Variants in CTTN observed in about 807,000 individuals in gnomAD.
CTTN encodes cortactin.
CTTN carries 28 observed loss-of-function variants against 84.0 expected under a neutral mutation model. That is an observed-to-expected ratio of 0.33 (90% CI 0.25 to 0.46). The LOEUF is 0.46. Ranked by LOEUF, CTTN falls within the 20% of genes least tolerant of loss-of-function variation. CTTN has a pLI of 1.00. For missense variants in CTTN, 641 were observed against 723.8 expected (o/e 0.89, Z 1.31); for synonymous variants, 301 against 288.8 (o/e 1.04, Z -0.43).
In CTTN at chr11:70,420,533, C is replaced by T. The variant is rs780346798; in HGVS notation, c.790+23C>T. The T allele has an allele frequency of 6.4e-6, 10 of 1,557,058 alleles. No individual in the cohort carries two copies. Among genetic ancestry groups the T allele is most frequent in the Middle Eastern group, 1.7e-4 (1 of 5,940 alleles). On this transcript the variant is annotated intron_variant, in intron 10 of 17. Transcript: ENST00000301843. ...AAGGTACATTCACTCTGCCTGTATG[C>T]GAGATGGTTTTAGAAGTTTGTTTTT... is the stretch of plus-strand genomic sequence containing the variant.
rs561015224 is a variant in CTTN, at chr11:70,421,498, C to A, written c.819C>A (p.Phe273Leu). 2 of 1,613,886 alleles carry A rather than the reference C, an allele frequency of 1.2e-6. No homozygotes were observed. The highest frequency in any genetic ancestry group is 1.7e-6 in the Non-Finnish European group (2 of 1,179,808). ...ATAAGACTGGTTTTGGAGGCAAATT[C>A]GGTGTTCAGTCGGAGAGGCAGGACT... is the stretch of plus-strand genomic sequence containing the variant. Reference protein sequence around the residue: ...KDYKTGFGGKFGVQSERQDSA... With the variant: ...KDYKTGFGGKLGVQSERQDSA... Residue 273 changes from phenylalanine to leucine, a missense_variant, in exon 11 of 18, where the codon TTC becomes TTA. Phe to Leu is a conservative substitution (Grantham distance 22). This residue lies in a region of CTTN where 289 missense variants were observed against 273.1 expected (regional missense o/e 1.06). Transcript: ENST00000301843.
At chr11:70,423,145 G>T in intron 12 of CTTN, 150 bp downstream of exon 12, 3 of 998,350 alleles carry the variant, frequency 3.0e-6, no homozygotes, top group South Asian at 3.1e-5. Context: ...GACTGACTCG[G>T]ACAGTCTTGT....
intron 12 of CTTN, among the ~76,000 whole-genome samples, chr11:70,424,742 AAAGGGGCC>A (rs2058281932): frequency 6.6e-6 from 1 of 152,038 alleles, no homozygotes; most frequent in Admixed American, 6.6e-5. Context: ...TGCTGGGCAG[AAAGGGGCC>A]ATGGTATGGG....
chr11:70,416,875 T>A (rs1475433425), intron 7 of CTTN, 138 bp from the exon 8 acceptor site: 1 of 681,974 alleles, frequency 1.5e-6, no homozygotes, highest in African/African-American at 1.7e-5. Flanking sequence ...GAGCAGTGGG[T>A]GGCTTGTTGT....
chr11:70,403,186 CTTTTTTT>C (rs1209259210), intron 1 of CTTN, among the ~76,000 whole-genome samples: 13 of 114,704 alleles, frequency 1.1e-4, no homozygotes, highest in African/African-American at 2.4e-4. Context: ...ATAAGAGTTC[CTTTTTTT>C]TTTTTTTTTT....
rs1178791138 is a variant in CTTN, at chr11:70,424,002, A to C, written c.957+1007A>C. 3.3e-5 allele frequency among the ~76,000 whole-genome samples: 5 copies of C among 152,040 alleles called. 1 individual carries two copies. The highest frequency in any genetic ancestry group is 3.3e-4 in the Admixed American group (5 of 15,258). ...CATGGTGTTTGGCGCCAAGGGACGC[A>C]GGGGAGGGAGCAGTCGGGTGGATGT... On this transcript the variant is annotated intron_variant, in intron 12 of 17. Transcript: ENST00000301843.
At chr11:70,418,629 C>T (rs2058191474) in intron 8 of CTTN, among the ~76,000 whole-genome samples, 1 of 152,196 alleles carries the variant, frequency 6.6e-6, no homozygotes, top group African/African-American at 2.4e-5. Context: ...TGGCATCCCC[C>T]TGCGTGCTTC....
In CTTN at chr11:70,431,306, G is replaced by A. The variant is rs779415103; in HGVS notation, c.1266+26G>A. 9 of 1,609,068 alleles carry A rather than the reference G, an allele frequency of 5.6e-6. No individual in the cohort carries two copies. In the South Asian group the frequency reaches 7.7e-5, roughly 14 times the overall value. ...GTTGGTGTCTTTGGTGTTTGAATGA[G>A]CGTGAGTGACTTACTGCCAGAGCCC... is the stretch of plus-strand genomic sequence containing the variant. On this transcript the variant is annotated intron_variant, in intron 15 of 17. Coordinates refer to ENST00000301843, the MANE Select transcript of CTTN (RefSeq NM_005231.4).
In CTTN at chr11:70,436,360, G is replaced by C; in HGVS notation, c.*1198G>C. 2 of 1,598,404 alleles carry C rather than the reference G, an allele frequency of 1.3e-6. No homozygotes were observed. The highest frequency in any genetic ancestry group is 1.7e-6 in the Non-Finnish European group (2 of 1,179,816). On this transcript the variant is annotated 3_prime_UTR_variant, in exon 18 of 18. Coordinates refer to ENST00000301843, the MANE Select transcript of CTTN (RefSeq NM_005231.4). ...GTCAGGTGGGCGGTGTGTCTTTCCA[G>C]AAGGTCACGTGGAAATGTCTCGGGA...
intron 8 of CTTN, 115 bp downstream of exon 8, chr11:70,417,238 T>G: frequency 1.3e-6 from 1 of 799,376 alleles, no homozygotes; most frequent in Non-Finnish European, 2.1e-6. Context: ...TGTTTGGTGT[T>G]CTTTTCGTAC....
At chr11:70,431,680 C>T (rs1243958494) in intron 15 of CTTN, among the ~76,000 whole-genome samples, 1 of 152,144 alleles carries the variant, frequency 6.6e-6, no homozygotes, top group Admixed American at 6.5e-5. Flanking sequence ...CCCCTGCCTC[C>T]CGCACAATCT....
At position 70,435,495 on chromosome 11, in the gene CTTN, G is replaced by A. The variant is rs769920155; in HGVS notation, c.*333G>A. The stretch of plus-strand genomic sequence containing the variant: ...AGGGAGCTCGCATTCTCTTGTGTTC[G>A]TGTTGCCCTCGTGCCCATCAAGTGC... On this transcript the variant is annotated 3_prime_UTR_variant, in exon 18 of 18. Transcript: ENST00000301843. The A allele has an allele frequency of 2.1e-5, 32 of 1,555,578 alleles. 1 individual carries two copies. The highest frequency in any genetic ancestry group is 1.1e-4 in the South Asian group (9 of 85,670).
At chr11:70,403,957 T>C (rs1182355782) in intron 1 of CTTN, among the ~76,000 whole-genome samples, 5 of 152,194 alleles carry the variant, frequency 3.3e-5, no homozygotes, top group African/African-American at 4.8e-5. Flanking sequence ...CATGGCTCAC[T>C]GCAACCTTGA....
intron 13 of CTTN, 118 bp from the exon 14 acceptor site, chr11:70,428,933 T>C (rs917741173): frequency 7.8e-7 from 1 of 1,274,800 alleles, no homozygotes; most frequent in African/African-American, 1.5e-5. Flanking sequence ...CTTTCCCTCC[T>C]TGGGGGTTAG....
intron 11 of CTTN, chr11:70,422,695 C>T (rs1354287229): frequency 1.4e-6 from 2 of 1,437,980 alleles, no homozygotes; most frequent in African/African-American, 2.8e-5. Flanking sequence ...TCCTGCCCCT[C>T]CTGCCCCTCA....
chr11:70,398,725 C>G (rs1240515069), intron 1 of CTTN, 111 bp downstream of exon 1: 2 of 151,996 alleles, frequency 1.3e-5, no homozygotes, highest in East Asian at 2.0e-4. Context: ...GCGGTCTCAC[C>G]GCTCTTCCGC....
At chr11:70,433,790 AT>A in intron 17 of CTTN, 72 bp downstream of exon 17, 3 of 949,664 alleles carry the variant, frequency 3.2e-6, no homozygotes, top group Non-Finnish European at 5.2e-6. Context: ...TTTTCTGAGA[AT>A]TCACTTCTCT....
Position 70,436,025 on chromosome 11 carries a change from G to GGT in CTTN, c.*871_*872dup, listed in dbSNP as rs1377625017. ...CCTGGGCCACCGGGCAGCCTGGGGC[G>GGT]GTGTGTGTGCCATGTCACAGCATGG... On this transcript the variant is annotated 3_prime_UTR_variant, in exon 18 of 18. Transcript: ENST00000301843. 2.8e-6 allele frequency: 4 copies of GGT among 1,425,940 alleles called. No homozygotes were observed. The East Asian group carries it at 1.0e-4, about 36-fold the overall frequency. 88.3% of individuals were successfully genotyped at this position (1,425,940 alleles called of 1,614,324 possible). A position where few individuals can be genotyped will look rare whatever the true frequency, so the allele number is the denominator to read the frequency against.
At chr11:70,434,906 A>G (rs1236985130) in intron 17 of CTTN, 120 bp from the exon 18 acceptor site, 1 of 1,070,206 alleles carries the variant, frequency 9.3e-7, no homozygotes, top group Non-Finnish European at 1.4e-6. Context: ...GGTGGTCCGC[A>G]TCTCTGCAGG....
Sources: gnomAD v4.1 joint callset for allele counts (sites outside exome capture counted in the v4.1 genomes callset) on GRCh38, gnomAD v4.1.1 for gene constraint, gnomAD v4.1.1 regional missense constraint, MANE v1.5 for transcripts, NCBI Gene and HGNC (gene_info 2026-07-23, HGNC 2026-07-21) for gene names.